Variants in NALF1 observed in about 807,000 individuals in gnomAD.
The protein encoded by NALF1 is NALCN channel auxiliary factor 1, also known as family with sequence similarity 155 member A.
NALF1 carries 3 observed loss-of-function variants against 48.4 expected under a neutral mutation model. That is an observed-to-expected ratio of 0.06 (90% CI 0.03 to 0.16). The LOEUF is 0.16. NALF1 is among the 10% of genes least tolerant of loss of function. The probability of loss-of-function intolerance (pLI) is 1.00; values close to 1 mark genes in which losing one functional copy is unlikely to be tolerated. For missense variants in NALF1, 526 were observed against 571.5 expected, an observed-to-expected ratio of 0.92 and a Z score of 0.81; for synonymous variants, 262 against 245.7, an observed-to-expected ratio of 1.07 and a Z score of -0.62.
At chr13:107,764,871 G>A (rs1877378550) in intron 1 of NALF1, among the ~76,000 whole-genome samples, 1 of 152,164 alleles carries the variant, frequency 6.6e-6, no homozygotes, top group Non-Finnish European at 1.5e-5. Context: ...GCAGACGGCT[G>A]CATTCAATTA....
intron 1 of NALF1, among the ~76,000 whole-genome samples, chr13:107,286,704 C>T (rs1225255815): frequency 2.6e-5 from 4 of 151,912 alleles, no homozygotes; most frequent in Admixed American, 2.6e-4. Context: ...TACTACTCAG[C>T]CTGGAAACAG....
At chr13:107,209,667 C>T (rs1418091536) in intron 2 of NALF1, among the ~76,000 whole-genome samples, 1 of 152,202 alleles carries the variant, frequency 6.6e-6, no homozygotes, top group Non-Finnish European at 1.5e-5. Context: ...ATATGCTACT[C>T]TGTTTTAGAG....
chr13:107,644,547 A>C (rs2138461613), intron 1 of NALF1, among the ~76,000 whole-genome samples: 1 of 151,338 alleles, frequency 6.6e-6, no homozygotes. Flanking sequence ...TTGGCTACTT[A>C]ATGCATTCTT....
chr13:107,383,991 G>C (rs1454093760), intron 1 of NALF1, among the ~76,000 whole-genome samples: 1 of 152,168 alleles, frequency 6.6e-6, no homozygotes, highest in African/African-American at 2.4e-5. Flanking sequence ...GTTCACACCT[G>C]TAACCCCAGC....
chr13:107,672,919 G>A (rs1881024508), intron 1 of NALF1, among the ~76,000 whole-genome samples: 1 of 151,880 alleles, frequency 6.6e-6, no homozygotes, highest in Non-Finnish European at 1.5e-5. Flanking sequence ...CGCCCCCACC[G>A]CCCAATACTT....
At chr13:107,718,339 C>G (rs1467231647) in intron 1 of NALF1, among the ~76,000 whole-genome samples, 1 of 152,188 alleles carries the variant, frequency 6.6e-6, no homozygotes, top group African/African-American at 2.4e-5. Context: ...CATACCATCA[C>G]AGTCAGCAAC....
chr13:107,429,674 A>G (rs991660622), intron 1 of NALF1, among the ~76,000 whole-genome samples: 10 of 152,224 alleles, frequency 6.6e-5, no homozygotes, highest in African/African-American at 2.4e-4. Context: ...AAGACTACAT[A>G]CAGTGCTTTG....
At chr13:107,683,734 T>G in intron 1 of NALF1, among the ~76,000 whole-genome samples, 1 of 152,188 alleles carries the variant, frequency 6.6e-6, no homozygotes, top group East Asian at 1.9e-4. Flanking sequence ...TTCAGAGCTC[T>G]CCTGCTGGGC....
At chr13:107,811,688 A>C (rs1442554539) in intron 1 of NALF1, among the ~76,000 whole-genome samples, 1 of 152,200 alleles carries the variant, frequency 6.6e-6, no homozygotes. Context: ...TTATAAAAGA[A>C]ATGTATTTGG....
rs140307019 is a variant in NALF1, at chr13:107,462,278, T to G, written c.916-251523A>C. On this transcript the variant is annotated intron_variant, in intron 1 of 2. Coordinates refer to ENST00000375915, the MANE Select transcript of NALF1 (RefSeq NM_001080396.3). ...TGTGAAGTTCGAGCAAATACAAAGTTCGTATTTTGCCTGGTTCTCTAAAAT... is the reference window on the plus strand; with the variant it reads ...TGTGAAGTTCGAGCAAATACAAAGTGCGTATTTTGCCTGGTTCTCTAAAAT... 3.4e-3 allele frequency among the ~76,000 whole-genome samples: 525 copies of G among 152,198 alleles called. 2 individuals are homozygous for G. The highest frequency in any genetic ancestry group is 0.012 in the African/African-American group (505 of 41,534).
At chr13:107,825,357 T>C (rs1478326335) in intron 1 of NALF1, among the ~76,000 whole-genome samples, 5 of 152,228 alleles carry the variant, frequency 3.3e-5, no homozygotes, top group African/African-American at 1.2e-4. Flanking sequence ...TGCTATTTGA[T>C]TGGTGAAATG....
At chr13:107,416,250 C>T (rs931585430) in intron 1 of NALF1, among the ~76,000 whole-genome samples, 1 of 151,644 alleles carries the variant, frequency 6.6e-6, no homozygotes, top group Non-Finnish European at 1.5e-5. Context: ...CTCCTGACCT[C>T]GTGATCTGCC....
intron 1 of NALF1, among the ~76,000 whole-genome samples, chr13:107,800,303 C>T (rs1878566429): frequency 6.6e-6 from 1 of 152,026 alleles, no homozygotes; most frequent in South Asian, 2.1e-4. Context: ...AAATTTGACA[C>T]TGTGTAGAAA....
intron 1 of NALF1, among the ~76,000 whole-genome samples, chr13:107,824,007 G>A (rs200526481): frequency 8.2e-6 from 1 of 121,640 alleles, no homozygotes; most frequent in Non-Finnish European, 1.8e-5. Context: ...TATTATTATT[G>A]GTCCCCATCA....
chr13:107,466,716 T>TA (rs1566354128), intron 1 of NALF1: 1 of 152,242 alleles, frequency 6.6e-6, no homozygotes, highest in Non-Finnish European at 1.5e-5. Flanking sequence ...GTTTATTTGA[T>TA]AATTCAGAAG....
chr13:107,732,724 T>C (rs7331688), intron 1 of NALF1, among the ~76,000 whole-genome samples: 1 of 152,266 alleles, frequency 6.6e-6, no homozygotes, highest in Non-Finnish European at 1.5e-5. Context: ...ATCTGTAGGT[T>C]TCTCTTATAT....
intron 1 of NALF1, among the ~76,000 whole-genome samples, chr13:107,799,762 A>C (rs1878545365): frequency 6.6e-6 from 1 of 152,154 alleles, no homozygotes; most frequent in Admixed American, 6.6e-5. Flanking sequence ...CAGTGGATGA[A>C]AGCAAAAGAG....
chr13:107,818,492 G>A (rs943227630), intron 1 of NALF1, among the ~76,000 whole-genome samples: 1 of 152,142 alleles, frequency 6.6e-6, no homozygotes, highest in Non-Finnish European at 1.5e-5. Flanking sequence ...CTCCTAACCA[G>A]GGAGCATGGA....
At chr13:107,194,832 A>G (rs912728746) in intron 2 of NALF1, among the ~76,000 whole-genome samples, 2 of 152,228 alleles carry the variant, frequency 1.3e-5, no homozygotes, top group African/African-American at 2.4e-5. Context: ...ACAAAGGACT[A>G]ATATCCAGAA....
Sources: gnomAD v4.1 joint callset for allele counts (sites outside exome capture counted in the v4.1 genomes callset) on GRCh38, gnomAD v4.1.1 for gene constraint, MANE v1.5 for transcripts, NCBI Gene and HGNC (gene_info 2026-07-23, HGNC 2026-07-21) for gene names.